The following TRPC5 variants were observed in gnomAD, a reference collection of about 807,000 sequenced individuals.
TRPC5 encodes the protein short transient receptor potential channel 5.
Under a neutral mutation model 56.5 loss-of-function variants are expected in TRPC5, and 9 were observed. The ratio of observed to expected loss-of-function variants is 0.16; its 90% CI spans 0.10 to 0.28. The LOEUF (loss-of-function observed/expected upper bound fraction) is 0.28. Ranked by LOEUF, TRPC5 falls within the 10% of genes least tolerant of loss-of-function variation. The probability of loss-of-function intolerance (pLI) is 1.00; values close to 1 mark genes in which losing one functional copy is unlikely to be tolerated. For synonymous variants in TRPC5, 282 were observed against 278.5 expected (o/e 1.01, Z -0.13); for missense variants, 469 against 748.9 (o/e 0.63, Z 4.36).
At chrX:112,005,907 T>G (rs1274703038) in intron 1 of TRPC5, among the ~76,000 whole-genome samples, 2 of 111,654 alleles carry the variant, frequency 1.8e-5, no homozygotes, top group Non-Finnish European at 3.8e-5. Flanking sequence ...CCAAAATCTC[T>G]ATGTATCCCC....
intron 1 of TRPC5, among the ~76,000 whole-genome samples, chrX:111,974,474 G>T (rs1448650304): frequency 8.9e-6 from 1 of 111,994 alleles, no homozygotes; most frequent in Non-Finnish European, 1.9e-5. Flanking sequence ...CAGAACTCTG[G>T]AAATTAACCA....
intron 7 of TRPC5, among the ~76,000 whole-genome samples, chrX:111,820,502 G>C (rs1921998663): frequency 8.9e-6 from 1 of 111,930 alleles, no homozygotes; most frequent in Non-Finnish European, 1.9e-5. Context: ...TAATATTTTT[G>C]ACACTTGAAA....
chrX:112,021,795 C>CCTATTGCCT lies in TRPC5; in HGVS notation c.-22+60083_-22+60084insAGGCAATAG, dbSNP rs912373448. Among the ~76,000 whole-genome samples, 11 of 112,046 alleles carry CCTATTGCCT rather than the reference C, an allele frequency of 9.8e-5. 1 individual carries two copies. The highest frequency in any genetic ancestry group is 5.7e-4 in the Admixed American group (6 of 10,576). ...AGGTGATCAATAGGGAAAAAGAGTC[C>CCTATTGCCT]CCCATAAGAACACTGGGAGGCAAGA... On this transcript the variant is annotated intron_variant, in intron 1 of 10. Transcript: ENST00000262839.
intron 7 of TRPC5, among the ~76,000 whole-genome samples, chrX:111,806,096 C>T (rs1474658735): frequency 8.9e-6 from 1 of 111,949 alleles, no homozygotes; most frequent in Non-Finnish European, 1.9e-5. Flanking sequence ...TATCTATTTT[C>T]TATATCATGA....
intron 1 of TRPC5, among the ~76,000 whole-genome samples, chrX:111,958,113 C>T (rs1403395948): frequency 9.0e-6 from 1 of 111,692 alleles, no homozygotes; most frequent in South Asian, 3.8e-4. Context: ...GCTCTTTAAA[C>T]CTGTCAAACA....
intron 7 of TRPC5, among the ~76,000 whole-genome samples, chrX:111,782,806 A>AACACACACAC (rs1186498788): frequency 0.022 from 2,015 of 92,068 alleles, 66 homozygotes; most frequent in African/African-American, 0.074. Flanking sequence ...CATTATAATC[A>AACACACACAC]ACACACACAC....
intron 2 of TRPC5, among the ~76,000 whole-genome samples, chrX:111,945,984 A>G (rs1002102163): frequency 8.9e-6 from 1 of 112,576 alleles, no homozygotes; most frequent in Admixed American, 9.4e-5. Flanking sequence ...TCCCAAGTAA[A>G]CAAATTTTGT....
At chrX:112,001,360 C>T (rs1164897510) in intron 1 of TRPC5, among the ~76,000 whole-genome samples, 1 of 112,107 alleles carries the variant, frequency 8.9e-6, no homozygotes, top group Non-Finnish European at 1.9e-5. Flanking sequence ...GAGGTAATAC[C>T]ATACACACAT....
intron 1 of TRPC5, among the ~76,000 whole-genome samples, chrX:112,033,376 AT>A (rs963733368): frequency 3.7e-5 from 4 of 109,471 alleles, no homozygotes; most frequent in African/African-American, 1.0e-4. Flanking sequence ...AATTAAAAAA[AT>A]AGAGGTTTTA....
intron 1 of TRPC5, among the ~76,000 whole-genome samples, chrX:112,028,726 C>T (rs1245457282): frequency 8.0e-5 from 9 of 112,206 alleles, no homozygotes; most frequent in African/African-American, 2.9e-4. Context: ...AATAGTGCCA[C>T]AATAAACATA....
intron 7 of TRPC5, among the ~76,000 whole-genome samples, chrX:111,829,154 T>G (rs966154220): frequency 4.6e-5 from 5 of 108,252 alleles, no homozygotes; most frequent in Non-Finnish European, 7.6e-5. Context: ...ATACAAAAAT[T>G]AGCCAGGTGT....
intron 3 of TRPC5, among the ~76,000 whole-genome samples, chrX:111,906,739 C>G (rs1275528775): frequency 1.8e-5 from 2 of 111,821 alleles, no homozygotes; most frequent in Admixed American, 1.9e-4. Flanking sequence ...CCCCACAAAC[C>G]TCGACTCATC....
chrX:111,898,297 G>GCACA (rs200189599), intron 3 of TRPC5, among the ~76,000 whole-genome samples: 1 of 101,899 alleles, frequency 9.8e-6, no homozygotes, highest in African/African-American at 3.6e-5. Flanking sequence ...GCGTGTGTGC[G>GCACA]CACACACACA....
At position 111,769,023 on chromosome X, in the gene TRPC5, T is replaced by C. The variant is rs1225326152; in HGVS notation, c.*7290A>G. ...GACTAGATCTTATACAGGAAATACT[T>C]AATCTGAATATGTGACTTTCAAATG... On this transcript the variant is annotated 3_prime_UTR_variant, in exon 11 of 11. Transcript: ENST00000262839. 8.9e-6 allele frequency among the ~76,000 whole-genome samples: 1 copy of C among 112,168 alleles called. No homozygotes were observed. The highest frequency in any genetic ancestry group is 1.9e-5 in the Non-Finnish European group (1 of 53,156).
chrX:111,842,105 GTATATATATATATTTTATATATATATGTA>G (rs1287059903), intron 6 of TRPC5, among the ~76,000 whole-genome samples: 10 of 85,080 alleles, frequency 1.2e-4, no homozygotes, highest in East Asian at 9.1e-4. Context: ...ATGTATGTGT[GTATATATATATATTTTATATATATATGTA>G]TATATATATA....
intron 1 of TRPC5, among the ~76,000 whole-genome samples, chrX:111,965,860 C>A (rs1378182532): frequency 9.0e-6 from 1 of 111,280 alleles, no homozygotes; most frequent in Non-Finnish European, 1.9e-5. Flanking sequence ...TAAATGCCCA[C>A]AAGAGAAAGC....
chrX:111,834,808 T>C (rs971433515), intron 7 of TRPC5, 113 bp downstream of exon 7: 2 of 556,120 alleles, frequency 3.6e-6, no homozygotes, highest in Admixed American at 6.6e-5. Flanking sequence ...GGAAAGCTAA[T>C]GTAAATTAAT....
At chrX:111,790,399 G>A (rs1946009546) in intron 7 of TRPC5, among the ~76,000 whole-genome samples, 1 of 110,593 alleles carries the variant, frequency 9.0e-6, no homozygotes, top group Non-Finnish European at 1.9e-5. Flanking sequence ...TCACACATCA[G>A]GGCCTGTCGG....
At chrX:111,905,689 T>G (rs1328092208) in intron 3 of TRPC5, among the ~76,000 whole-genome samples, 4 of 106,704 alleles carry the variant, frequency 3.7e-5, no homozygotes, top group Non-Finnish European at 5.8e-5. Context: ...CCAAGGCAAG[T>G]GGATCACGAG....
Sources: gnomAD v4.1 joint callset for allele counts (sites outside exome capture counted in the v4.1 genomes callset) on GRCh38, gnomAD v4.1.1 for gene constraint, MANE v1.5 for transcripts, NCBI Gene and HGNC (gene_info 2026-07-23, HGNC 2026-07-21) for gene names.